ENDOV: variants seen among roughly 807,000 people sequenced by gnomAD.
ENDOV encodes the protein endonuclease V, also known as hEndoV.
Under a neutral mutation model 39.4 loss-of-function variants are expected in ENDOV, and 37 were observed. That is an observed-to-expected ratio of 0.94 (90% CI 0.72 to 1.23). The LOEUF (loss-of-function observed/expected upper bound fraction) is 1.23, where lower values mean the gene tolerates loss of function less well. ENDOV is among the 50% of genes most tolerant of loss of function. The pLI, the probability that ENDOV is intolerant of heterozygous loss-of-function variation, is 0.00. For missense variants in ENDOV, 441 were observed against 375.7 expected, an observed-to-expected ratio of 1.17 and a Z score of -1.44; for synonymous variants, 186 against 163.4, an observed-to-expected ratio of 1.14 and a Z score of -1.05.
chr17:80,427,562 G>A (rs1386776020), intron 7 of ENDOV: 3 of 1,065,280 alleles, frequency 2.8e-6, no homozygotes, highest in Non-Finnish European at 3.5e-6. Flanking sequence ...CCCGTACCAG[G>A]AGCCCGCAGC....
At chr17:80,419,840 C>T (rs770569955) in intron 2 of ENDOV, 54 of 604,794 alleles carry the variant, frequency 8.9e-5, no homozygotes, top group South Asian at 3.8e-5. Flanking sequence ...CTGTCACCCA[C>T]GCCATTTCAG....
intron 7 of ENDOV, among the ~76,000 whole-genome samples, chr17:80,426,521 C>T (rs1038898166): frequency 1.3e-5 from 2 of 152,120 alleles, no homozygotes; most frequent in Admixed American, 6.5e-5. Flanking sequence ...TGTGGTGGTG[C>T]GTGCCTGTGG....
chr17:80,427,513 G>A, intron 7 of ENDOV: 1 of 985,474 alleles, frequency 1.0e-6, no homozygotes, highest in Non-Finnish European at 1.2e-6. Flanking sequence ...CCACCCTCCA[G>A]AGGAAGGAAA....
chr17:80,425,791 T>C (rs941487048), intron 7 of ENDOV, among the ~76,000 whole-genome samples, 171 bp downstream of exon 7: 5 of 152,136 alleles, frequency 3.3e-5, no homozygotes, highest in African/African-American at 1.2e-4. Context: ...TGCTGGGCCC[T>C]GCAGTCAGGA....
At position 80,436,464 on chromosome 17, in the gene ENDOV, T is replaced by A; in HGVS notation, c.*321T>A. 3 of 949,988 alleles carry A rather than the reference T, an allele frequency of 3.2e-6. No individual in the cohort carries two copies. The highest frequency in any genetic ancestry group is 4.2e-6 in the Non-Finnish European group (3 of 708,794). The allele number at this position is 949,988 out of a possible 1,614,324, so 58.8% of individuals were successfully genotyped here. ...ACGGTCCCTTCTAGTCCTAATTTGT[T>A]AAGTGTTTTTATCCTTAAAGGGTAC... On this transcript the variant is annotated 3_prime_UTR_variant, in exon 10 of 10. Coordinates refer to ENST00000518137, the MANE Select transcript of ENDOV (RefSeq NM_173627.5).
intron 2 of ENDOV, among the ~76,000 whole-genome samples, chr17:80,421,260 A>ATCCCAGAGAATCCTACAGACCAGG (rs41298696): frequency 6.6e-6 from 1 of 150,886 alleles, no homozygotes; most frequent in Non-Finnish European, 1.5e-5. Flanking sequence ...TATGAACTAG[A>ATCCCAGAGAATCCTACAGACCAGG]TCCCGGGGAA....
intron 7 of ENDOV, chr17:80,427,535 T>C (rs907947189): frequency 3.2e-5 from 34 of 1,050,204 alleles, no homozygotes; most frequent in South Asian, 5.7e-5. Context: ...CCGCAACCAG[T>C]TGGGATATGC....
At chr17:80,426,425 G>A (rs2082690719) in intron 7 of ENDOV, among the ~76,000 whole-genome samples, 1 of 152,190 alleles carries the variant, frequency 6.6e-6, no homozygotes. Flanking sequence ...GAGGTGGGAG[G>A]ATCACTTGAG....
chr17:80,420,707 A>C (rs1206915447), intron 2 of ENDOV, among the ~76,000 whole-genome samples: 1 of 152,232 alleles, frequency 6.6e-6, no homozygotes, highest in African/African-American at 2.4e-5. Flanking sequence ...GTGACTAAGG[A>C]AAACACAAGG....
chr17:80,419,241 T>C (rs1314644932), intron 2 of ENDOV, among the ~76,000 whole-genome samples: 4 of 151,430 alleles, frequency 2.6e-5, no homozygotes, highest in African/African-American at 9.7e-5. Flanking sequence ...TCCCAGAGTA[T>C]AGCATAAGAA....
In ENDOV at chr17:80,421,854, C is replaced by T. The variant is rs1451762547; in HGVS notation, c.255C>T (p.Val85=). ...LEVVYEESRM[V]SLTAPYVSGF... ...TGGTGTATGAGGAGAGCCGCATGGT[C>T]AGCCTCACAGCCCCCTACGTGTCGG... Residue 85 remains valine (V), a synonymous_variant, in exon 3 of 10, where the codon GTC becomes GTT. Transcript: ENST00000518137. The T allele has an allele frequency of 6.2e-7, 1 of 1,602,242 alleles. No homozygotes were observed. The highest frequency in any genetic ancestry group is 1.1e-5 in the South Asian group (1 of 88,448).
At chr17:80,416,457 A>G (rs1335074048) in intron 2 of ENDOV, among the ~76,000 whole-genome samples, 2 of 151,932 alleles carry the variant, frequency 1.3e-5, no homozygotes, top group East Asian at 3.9e-4. Context: ...TCTCGCGTCC[A>G]GTTGCACACT....
At chr17:80,424,910 G>A (rs555768561) in intron 5 of ENDOV, 122 bp from the exon 6 acceptor site, 10 of 759,726 alleles carry the variant, frequency 1.3e-5, no homozygotes, top group African/African-American at 3.5e-5. Flanking sequence ...AGCTGAGATC[G>A]CGCCACTGTA....
chr17:80,416,955 A>G (rs8065009), intron 2 of ENDOV: 77,714 of 151,892 alleles, frequency 0.51, 20,814 homozygotes, highest in Middle Eastern at 0.6. Context: ...GGATCTCACT[A>G]TGTTGCCCAG....
At chr17:80,432,661 T>C (rs956335097) in intron 9 of ENDOV, among the ~76,000 whole-genome samples, 7 of 152,068 alleles carry the variant, frequency 4.6e-5, no homozygotes, top group Admixed American at 2.6e-4. Context: ...GGTGAGACCA[T>C]TGCATGGTCC....
At chr17:80,415,367 C>A in intron 1 of ENDOV, 117 bp downstream of exon 1, 2 of 1,273,938 alleles carry the variant, frequency 1.6e-6, no homozygotes, top group Non-Finnish European at 2.2e-6. Flanking sequence ...CCCGAGACTC[C>A]AAAGCAAAGC....
At chr17:80,420,047 T>C in intron 2 of ENDOV, 1 of 236,124 alleles carries the variant, frequency 4.2e-6, no homozygotes, top group South Asian at 6.2e-5. Flanking sequence ...TCCTTCTACT[T>C]AGGTTCAGCT....
intron 5 of ENDOV, 24 bp from the exon 6 acceptor site, chr17:80,425,008 C>G (rs1377443447): frequency 6.2e-7 from 1 of 1,602,698 alleles, no homozygotes; most frequent in East Asian, 2.2e-5. Flanking sequence ...GGTTTTTTTC[C>G]CCATTTTTCC....
At position 80,416,783 on chromosome 17, in the gene ENDOV, C is replaced by G. The variant is rs1260420421; in HGVS notation, c.228+962C>G. Among the ~76,000 whole-genome samples, 3 of 150,758 alleles carry G rather than the reference C, an allele frequency of 2.0e-5. No individual in the cohort carries two copies. In the East Asian group the frequency reaches 5.9e-4, roughly 29 times the overall value. ...CTTTCCTTCCTTTCCCCTTCCCCCA[C>G]TCTGTGCCCAGGCTGAAGTGCAGTG... On this transcript the variant is annotated intron_variant, in intron 2 of 9. Coordinates refer to ENST00000518137, the MANE Select transcript of ENDOV (RefSeq NM_173627.5).
Sources: allele counts gnomAD v4.1 joint callset (sites outside exome capture counted in the v4.1 genomes callset), GRCh38; gene constraint gnomAD v4.1.1; transcripts MANE v1.5; gene names NCBI Gene and HGNC (gene_info 2026-07-23, HGNC 2026-07-21).